Variants in KCTD1 observed in about 807,000 individuals in gnomAD.
The protein encoded by KCTD1 is BTB/POZ domain-containing protein KCTD1.
KCTD1 carries 24 observed loss-of-function variants against 66.0 expected under a neutral mutation model. That is an observed-to-expected ratio of 0.36 (90% CI 0.26 to 0.51). The LOEUF (loss-of-function observed/expected upper bound fraction) is 0.51. Among genes scored for constraint, KCTD1 ranks in the 20% least tolerant of loss-of-function variants. KCTD1 has a pLI of 0.95. For missense variants in KCTD1, 943 were observed against 1,205.2 expected, an observed-to-expected ratio of 0.78 and a Z score of 3.22; for synonymous variants, 511 against 517.2, an observed-to-expected ratio of 0.99 and a Z score of 0.16.
intron 1 of KCTD1, among the ~76,000 whole-genome samples, chr18:26,619,988 T>C (rs561363965): frequency 6.6e-5 from 10 of 152,180 alleles, no homozygotes; most frequent in Non-Finnish European, 1.2e-4. Context: ...TGTATGCACT[T>C]ACCTAGTCAT....
chr18:26,643,710 C>T (rs577422031), upstream of KCTD1, among the ~76,000 whole-genome samples: 2 of 152,168 alleles, frequency 1.3e-5, no homozygotes, highest in Non-Finnish European at 2.9e-5. Flanking sequence ...CGCCTGTAAT[C>T]CCAGCACTTT....
intron 1 of KCTD1, among the ~76,000 whole-genome samples, chr18:26,621,321 C>G (rs1740847154): frequency 6.6e-6 from 1 of 152,114 alleles, no homozygotes; most frequent in Non-Finnish European, 1.5e-5. Flanking sequence ...AATACACACT[C>G]CAGCGTCCAT....
chr18:26,514,696 T>G (rs563161289), intron 1 of KCTD1, among the ~76,000 whole-genome samples: 44 of 152,178 alleles, frequency 2.9e-4, no homozygotes, highest in Non-Finnish European at 5.7e-4. Flanking sequence ...CTCCTGGACC[T>G]AGGTGACATC....
chr18:26,583,074 TA>T (rs141547389), intron 1 of KCTD1, among the ~76,000 whole-genome samples: 3 of 151,346 alleles, frequency 2.0e-5, no homozygotes, highest in Non-Finnish European at 4.4e-5. Flanking sequence ...GATGGTAATT[TA>T]AAAAAAATAT....
chr18:26,573,936 C>G (rs1297673757), intron 1 of KCTD1, among the ~76,000 whole-genome samples: 1 of 152,028 alleles, frequency 6.6e-6, no homozygotes, highest in African/African-American at 2.4e-5. Context: ...ATCCCTGGTC[C>G]CTGCCCATCA....
chr18:26,655,689 C>A (rs1390871977), intron 1 of KCTD1: 1 of 152,244 alleles, frequency 6.6e-6, no homozygotes, highest in African/African-American at 2.4e-5. Context: ...CCAGCCGAAC[C>A]CCGAAGCACA....
intron 1 of KCTD1, among the ~76,000 whole-genome samples, chr18:26,601,240 C>A (rs1405167080): frequency 1.5e-5 from 2 of 136,888 alleles, no homozygotes; most frequent in African/African-American, 5.5e-5. Flanking sequence ...GACTTGGGGT[C>A]TATCTTGCCA....
intron 2 of KCTD1, among the ~76,000 whole-genome samples, chr18:26,481,499 G>A (rs1330273900): frequency 1.3e-5 from 2 of 152,204 alleles, no homozygotes; most frequent in Admixed American, 6.5e-5. Context: ...TGAAGCAGCA[G>A]AAGCCAGATC....
chr18:26,654,034 A>G (rs1156961113), intron 1 of KCTD1, among the ~76,000 whole-genome samples: 1 of 152,254 alleles, frequency 6.6e-6, no homozygotes, highest in African/African-American at 2.4e-5. Context: ...AATGACTCAA[A>G]TGCAATGCAA....
intron 2 of KCTD1, among the ~76,000 whole-genome samples, chr18:26,491,530 CA>C (rs1218703849): frequency 6.6e-6 from 1 of 152,192 alleles, no homozygotes. Flanking sequence ...AACCCACACG[CA>C]AATAAGAACA....
intron 1 of KCTD1, among the ~76,000 whole-genome samples, chr18:26,529,554 A>ATC (rs1984337727): frequency 6.6e-6 from 1 of 152,258 alleles, no homozygotes; most frequent in Non-Finnish European, 1.5e-5. Context: ...AAGTTAAAAC[A>ATC]GAGTAAATCC....
intron 1 of KCTD1, among the ~76,000 whole-genome samples, chr18:26,535,673 G>T (rs909533499): frequency 2.0e-5 from 3 of 152,046 alleles, no homozygotes; most frequent in Admixed American, 1.3e-4. Flanking sequence ...TTGTGTTTTG[G>T]TGTCCTTTTT....
chr18:26,649,647 T>A (rs1218430399), intron 1 of KCTD1, among the ~76,000 whole-genome samples: 1 of 152,152 alleles, frequency 6.6e-6, no homozygotes, highest in East Asian at 1.9e-4. Context: ...TAGCTGGGAC[T>A]ACAGGCACGC....
chr18:26,492,833 T>C (rs1172150809), intron 2 of KCTD1, among the ~76,000 whole-genome samples: 2 of 152,028 alleles, frequency 1.3e-5, no homozygotes, highest in African/African-American at 2.4e-5. Flanking sequence ...GTTCCTTACC[T>C]ATAAGGTTAT....
intron 2 of KCTD1, among the ~76,000 whole-genome samples, chr18:26,488,667 T>C (rs1982037829): frequency 6.6e-6 from 1 of 152,188 alleles, no homozygotes; most frequent in Non-Finnish European, 1.5e-5. Context: ...AAAGTGGTGG[T>C]TAGCTGTTAT....
chr18:26,551,576 GCTA>G (rs1475581930), upstream of KCTD1, among the ~76,000 whole-genome samples: 1 of 151,996 alleles, frequency 6.6e-6, no homozygotes, highest in African/African-American at 2.4e-5. Context: ...ACGTCTTTGG[GCTA>G]CTATCTATAG....
At chr18:26,477,764 T>A (rs573683061) in intron 2 of KCTD1, among the ~76,000 whole-genome samples, 1 of 152,354 alleles carries the variant, frequency 6.6e-6, no homozygotes, top group East Asian at 1.9e-4. Flanking sequence ...AATAGAAATC[T>A]TTTAAAGATA....
intron 1 of KCTD1, among the ~76,000 whole-genome samples, chr18:26,627,196 T>A (rs1987519511): frequency 6.6e-6 from 1 of 152,116 alleles, no homozygotes; most frequent in Admixed American, 6.6e-5. Flanking sequence ...AGCTTTTGAT[T>A]TTTTTCTTAT....
chr18:26,648,080 A>G (rs1987963974), intron 1 of KCTD1, among the ~76,000 whole-genome samples: 1 of 151,992 alleles, frequency 6.6e-6, no homozygotes, highest in African/African-American at 2.4e-5. Context: ...TCCTAACCTC[A>G]AGGGATCCAC....
Sources: gnomAD v4.1 joint callset for allele counts (sites outside exome capture counted in the v4.1 genomes callset) on GRCh38, gnomAD v4.1.1 for gene constraint, MANE v1.5 for transcripts, NCBI Gene and HGNC (gene_info 2026-07-23, HGNC 2026-07-21) for gene names.